Variants in DMD observed in about 807,000 individuals in gnomAD.
DMD encodes mutant dystrophin.
DMD carries 63 observed loss-of-function variants against 330.1 expected under a neutral mutation model. The ratio of observed to expected loss-of-function variants is 0.19; its 90% confidence interval spans 0.16 to 0.24. The LOEUF (loss-of-function observed/expected upper bound fraction) is 0.24, where lower values mean the gene tolerates loss of function less well. Ranked by LOEUF, DMD falls within the 10% of genes least tolerant of loss-of-function variation. DMD has a pLI of 1.00. For synonymous variants in DMD, 1,223 were observed against 959.8 expected, an observed-to-expected ratio of 1.27 and a Z score of -5.07; for missense variants, 3,344 against 2,684.1, an observed-to-expected ratio of 1.25 and a Z score of -5.43.
chrX:31,844,503 C>G (rs1483272678), intron 48 of DMD, among the ~76,000 whole-genome samples: 1 of 111,269 alleles, frequency 9.0e-6, no homozygotes. Context: ...TGTTTTTACT[C>G]TTCAGACTGT....
intron 1 of DMD, among the ~76,000 whole-genome samples, chrX:33,039,872 A>G (rs755440330): frequency 2.7e-5 from 3 of 110,564 alleles, no homozygotes; most frequent in Non-Finnish European, 5.7e-5. Flanking sequence ...ATCTATAAAA[A>G]CGTATTATTT....
intron 41 of DMD, among the ~76,000 whole-genome samples, chrX:32,330,147 AG>A (rs2097672058): frequency 1.8e-5 from 2 of 112,399 alleles, no homozygotes; most frequent in Admixed American, 9.5e-5. Context: ...TAAAAATGAT[AG>A]AATGTTTTTA....
intron 11 of DMD, among the ~76,000 whole-genome samples, chrX:32,627,116 T>A (rs1602288812): frequency 1.0e-5 from 1 of 96,563 alleles, no homozygotes; most frequent in South Asian, 4.7e-4. Context: ...CGAATGAACA[T>A]CCAGGGTTGA....
chrX:31,282,567 T>C lies in DMD; in HGVS notation c.9225-21551A>G, dbSNP rs184779364. Among the ~76,000 whole-genome samples, 369 of 111,871 alleles carry C rather than the reference T, an allele frequency of 3.3e-3. 1 individual carries two copies. Among genetic ancestry groups the C allele is most frequent in the Non-Finnish European group, 3.1e-3 (165 of 53,048 alleles). The stretch of plus-strand genomic sequence containing the variant: ...AAATAGTAAAAAAAAAAAAATCCAT[T>C]ATTTAACAGCAGTAAATCCAGTATG... On this transcript the variant is annotated intron_variant, in intron 62 of 78. Transcript: ENST00000357033.
intron 1 of DMD, among the ~76,000 whole-genome samples, chrX:33,076,911 T>G (rs1026460622): frequency 3.6e-5 from 4 of 110,133 alleles, no homozygotes; most frequent in Admixed American, 9.7e-5. Flanking sequence ...GGGAGCAGAG[T>G]TTTTAAGGAT....
At chrX:31,998,707 A>C (rs1370034225) in intron 44 of DMD, among the ~76,000 whole-genome samples, 1 of 112,032 alleles carries the variant, frequency 8.9e-6, no homozygotes, top group Admixed American at 9.5e-5. Flanking sequence ...AAAATTAATA[A>C]AAGAATTCAC....
At chrX:31,631,553 G>A (rs1049088078) in intron 54 of DMD, among the ~76,000 whole-genome samples, 7 of 111,144 alleles carry the variant, frequency 6.3e-5, no homozygotes, top group African/African-American at 1.6e-4. Context: ...AAGGAGAGGC[G>A]GAGGGTTGAT....
At chrX:32,537,986 C>T (rs769274465) in intron 17 of DMD, among the ~76,000 whole-genome samples, 4 of 112,534 alleles carry the variant, frequency 3.6e-5, no homozygotes, top group Non-Finnish European at 7.5e-5. Context: ...TGAGCATCTA[C>T]TACACAGAAG....
chrX:32,829,526 T>A (rs1041330278), intron 4 of DMD, among the ~76,000 whole-genome samples: 1 of 111,856 alleles, frequency 8.9e-6, no homozygotes, highest in Admixed American at 9.5e-5. Flanking sequence ...CTGGGATAGG[T>A]TTACCTATTT....
In DMD at chrX:33,014,646, A is replaced by T. The variant is rs143247129; in HGVS notation, c.93+5493T>A. On this transcript the variant is annotated intron_variant, in intron 2 of 78. Transcript: ENST00000357033. ...AGCATCATGAAATTATGGAGTTAGG[A>T]ACACAATGATTACAATTAAAATATC... is the stretch of plus-strand genomic sequence containing the variant. 0.012 allele frequency among the ~76,000 whole-genome samples: 1,297 copies of T among 111,251 alleles called. 25 individuals carry two copies. The highest frequency in any genetic ancestry group is 0.04 in the African/African-American group (1,229 of 30,609).
chrX:31,370,096 CTCA>C (rs1274829901), intron 60 of DMD, among the ~76,000 whole-genome samples: 1 of 51,734 alleles, frequency 1.9e-5, no homozygotes, highest in East Asian at 4.2e-4. Context: ...GAGGCTCCGT[CTCA>C]AAAAAAAAAA....
chrX:33,328,066 T>C (rs1419300895), intron 1 of DMD, among the ~76,000 whole-genome samples: 1 of 111,958 alleles, frequency 8.9e-6, no homozygotes, highest in Non-Finnish European at 1.9e-5. Context: ...CTTTTTGAAT[T>C]AGAACCAAAT....
At chrX:31,378,770 C>A (rs2060011240) in intron 60 of DMD, among the ~76,000 whole-genome samples, 1 of 109,702 alleles carries the variant, frequency 9.1e-6, no homozygotes, top group African/African-American at 3.3e-5. Context: ...TCACTATGGG[C>A]AACCTTCCAC....
chrX:32,086,687 T>C (rs186674861), intron 44 of DMD, among the ~76,000 whole-genome samples: 1 of 111,667 alleles, frequency 9.0e-6, no homozygotes, highest in Admixed American at 9.6e-5. Flanking sequence ...TGGAGAGGCA[T>C]GTGACAGTAG....
chrX:31,571,772 C>T (rs937485224), intron 55 of DMD, among the ~76,000 whole-genome samples: 2 of 111,584 alleles, frequency 1.8e-5, no homozygotes, highest in East Asian at 5.7e-4. Flanking sequence ...AGCAGCATCC[C>T]TGGCCTCTGC....
At chrX:32,999,348 TGTG>T (rs779786530) in intron 2 of DMD, among the ~76,000 whole-genome samples, 154 of 111,895 alleles carry the variant, frequency 1.4e-3, no homozygotes, top group African/African-American at 4.5e-3. Context: ...GTATTTAATG[TGTG>T]GCCCAAGACA....
intron 44 of DMD, among the ~76,000 whole-genome samples, chrX:32,207,374 A>G (rs774706762): frequency 9.0e-6 from 1 of 111,431 alleles, no homozygotes; most frequent in Non-Finnish European, 1.9e-5. Context: ...CCCTCGCCAG[A>G]GGCTGACACC....
At chrX:32,736,299 C>A (rs1238370972) in intron 7 of DMD, among the ~76,000 whole-genome samples, 2 of 111,304 alleles carry the variant, frequency 1.8e-5, no homozygotes, top group African/African-American at 6.6e-5. Flanking sequence ...GAAATAGGAA[C>A]ACTTTTTCAC....
At chrX:31,178,419 G>T in intron 70 of DMD, 6 of 938,486 alleles carry the variant, frequency 6.4e-6, no homozygotes, top group South Asian at 4.2e-5. Flanking sequence ...ATTAGTGGCT[G>T]TATTGTGTTG....
Sources: gnomAD v4.1 joint callset for allele counts (sites outside exome capture counted in the v4.1 genomes callset) on GRCh38, gnomAD v4.1.1 for gene constraint, MANE v1.5 for transcripts, NCBI Gene and HGNC (gene_info 2026-07-23, HGNC 2026-07-21) for gene names.